Variants in SPG11 observed in about 807,000 individuals in gnomAD.
SPG11 encodes spatacsin.
SPG11 carries 222 observed loss-of-function variants against 274.0 expected under a neutral mutation model. The ratio of observed to expected loss-of-function variants is 0.81; its 90% CI spans 0.73 to 0.91. SPG11 has a LOEUF of 0.91. SPG11 is among the 40% of genes least tolerant of loss of function. The probability of loss-of-function intolerance (pLI) is 0.00; values close to 1 mark genes in which losing one functional copy is unlikely to be tolerated. For synonymous variants in SPG11, 1,144 were observed against 1,039.7 expected (o/e 1.10, Z -1.93); for missense variants, 3,114 against 2,872.7 (o/e 1.08, Z -1.92).
At chr15:44,610,762 C>G (rs993734423) in intron 18 of SPG11, 78 bp downstream of exon 18, 5 of 1,299,032 alleles carry the variant, frequency 3.8e-6, no homozygotes, top group Non-Finnish European at 5.6e-6. Flanking sequence ...TTAATATCAG[C>G]TGAGATCTAG....
chr15:44,637,427 C>T (rs2084309946), intron 7 of SPG11, among the ~76,000 whole-genome samples: 2 of 152,182 alleles, frequency 1.3e-5, no homozygotes, highest in South Asian at 4.1e-4. Flanking sequence ...ATTCTCCTAC[C>T]TCAGCCTCTC....
Position 44,569,434 on chromosome 15 carries a change from G to T in SPG11, c.6549C>A (p.His2183Gln). The change falls in exon 35 of 40, where the codon CAC (histidine) becomes CAA (glutamine). Residue 2183 changes from histidine to glutamine, a missense_variant. Transcript: ENST00000261866. ...TCTTCCTCATTAGCACTTCAAAGTA[G>T]TGCTTTTTATGCAGCAAATCAAATA... is the stretch of plus-strand genomic sequence containing the variant. ...TYIFDLLHKK[H>Q]YFEVLMRKKL... 1.9e-6 allele frequency: 3 copies of T among 1,607,080 alleles called. No individual in the cohort carries two copies. In the South Asian group the frequency reaches 3.3e-5, roughly 18 times the overall value.
intron 2 of SPG11, 83 bp from the exon 3 acceptor site, chr15:44,659,386 A>G: frequency 7.9e-7 from 1 of 1,265,980 alleles, no homozygotes; most frequent in East Asian, 2.4e-5. Flanking sequence ...CCTAATACAA[A>G]AAAGTAAAAC....
chr15:44,659,258 G>A lies in SPG11; in HGVS notation c.488C>T (p.Thr163Ile). 1 of 1,614,110 alleles carries A rather than the reference G, an allele frequency of 6.2e-7. No homozygotes were observed. Among genetic ancestry groups the A allele is most frequent in the Non-Finnish European group, 8.5e-7 (1 of 1,179,934 alleles). ...ACATTTGTTGATGAACAGTAATGAT[G>A]TGTTATTGTGAAATGACAGGATTCT... ...SLRILSFHNNTSLLFINKCVI... is the reference protein window; with the variant it reads ...SLRILSFHNNISLLFINKCVI... The change falls in exon 3 of 40, where the codon ACA becomes ATA. Residue 163 changes from threonine (T) to isoleucine (I), a missense_variant. Coordinates refer to ENST00000261866, the MANE Select transcript of SPG11 (RefSeq NM_025137.4).
chr15:44,628,972 A>T, intron 9 of SPG11, 128 bp from the exon 10 acceptor site: 4 of 1,005,042 alleles, frequency 4.0e-6, no homozygotes, highest in Non-Finnish European at 6.1e-6. Flanking sequence ...AATATGTCTG[A>T]GGATTTTCCT....
At chr15:44,569,148 G>A (rs1055266223) in intron 35 of SPG11, among the ~76,000 whole-genome samples, 13 of 145,778 alleles carry the variant, frequency 8.9e-5, no homozygotes, top group Admixed American at 4.2e-4. Context: ...CCTGAGAAAC[G>A]AGCGAAACTC....
chr15:44,636,959 A>AAAAAAAAAAAAAAT (rs2084293150), intron 7 of SPG11, among the ~76,000 whole-genome samples: 1 of 122,274 alleles, frequency 8.2e-6, no homozygotes, highest in Non-Finnish European at 1.7e-5. Context: ...AAAAAAAAAC[A>AAAAAAAAAAAAAAT]AAAAAAAAAC....
At chr15:44,616,893 C>T (rs2083604593) in intron 15 of SPG11, among the ~76,000 whole-genome samples, 2 of 152,172 alleles carry the variant, frequency 1.3e-5, no homozygotes, top group Admixed American at 6.5e-5. Flanking sequence ...TCCTAAATTT[C>T]GGGTAAAATA....
chr15:44,566,269 A>C lies in SPG11; in HGVS notation c.6791T>G (p.Leu2264Arg). The change falls in exon 37 of 40, where the codon CTG becomes CGG. Residue 2264 changes from leucine to arginine, a missense_variant. Transcript: ENST00000261866. ...SLKDGHQLKQ[L>R]LLKALTLMLD... ...CATCAGAGTCAGGGCCTTCAGCAGC[A>C]GTTGTTTCAGCTGGTGCCCATCCTT... 6.2e-7 allele frequency: 1 copy of C among 1,614,206 alleles called. No homozygotes were observed. Among genetic ancestry groups the C allele is most frequent in the Non-Finnish European group, 8.5e-7 (1 of 1,180,026 alleles).
Position 44,598,844 on chromosome 15 carries a change from A to G in SPG11, c.3687-8T>C, listed in dbSNP as rs2083112248. The G allele has an allele frequency of 6.2e-7, 1 of 1,613,776 alleles. No homozygotes were observed. Among genetic ancestry groups the G allele is most frequent in the Non-Finnish European group, 8.5e-7 (1 of 1,179,694 alleles). Reference sequence around the variant, plus strand: ...TTGCCTACTTGCTGGATCCTGAAAAAGAAAGGAATCAAAATCACATCAGCA... The same window carrying G: ...TTGCCTACTTGCTGGATCCTGAAAAGGAAAGGAATCAAAATCACATCAGCA... On this transcript the variant is annotated splice_polypyrimidine_tract_variant and splice_region_variant and intron_variant, in intron 21 of 39. Transcript: ENST00000261866.
intron 20 of SPG11, among the ~76,000 whole-genome samples, chr15:44,601,043 T>C (rs2083173249): frequency 6.6e-6 from 1 of 152,048 alleles, no homozygotes; most frequent in Non-Finnish European, 1.5e-5. Context: ...TCCCAGCTAC[T>C]TGGGAGACTG....
At chr15:44,593,827 C>A (rs923086159) in intron 26 of SPG11, among the ~76,000 whole-genome samples, 7 of 150,318 alleles carry the variant, frequency 4.7e-5, no homozygotes, top group Non-Finnish European at 1.0e-4. Context: ...GATCTTGGCT[C>A]ACTGCAACTT....
intron 30 of SPG11, among the ~76,000 whole-genome samples, chr15:44,576,320 C>T (rs1434179130): frequency 1.3e-5 from 2 of 151,744 alleles, no homozygotes; most frequent in African/African-American, 2.4e-5. Context: ...AAGCTTAGTA[C>T]ATCTGTACAG....
intron 24 of SPG11, 66 bp downstream of exon 24, chr15:44,596,718 A>G: frequency 7.1e-7 from 1 of 1,409,110 alleles, no homozygotes; most frequent in Non-Finnish European, 1.0e-6. Context: ...CACAACAGAA[A>G]GAATGCTATC....
chr15:44,649,018 G>GA lies in SPG11; in HGVS notation c.1457-8dup. 1 of 1,610,262 alleles carries GA rather than the reference G, an allele frequency of 6.2e-7. No homozygotes were observed. Among genetic ancestry groups the GA allele is most frequent in the Non-Finnish European group, 8.5e-7 (1 of 1,176,766 alleles). ...ATCAGAGAGAGTCCATTCTCTATAGGAAAAATAAAAGTTAGCTTTAACAAA... is the reference window on the plus strand; with the variant it reads ...ATCAGAGAGAGTCCATTCTCTATAGGAAAAAATAAAAGTTAGCTTTAACAAA... On this transcript the variant is annotated splice_region_variant and splice_polypyrimidine_tract_variant and intron_variant, in intron 6 of 39. Transcript: ENST00000261866.
chr15:44,609,327 C>T (rs887813284), intron 18 of SPG11, among the ~76,000 whole-genome samples: 14 of 151,416 alleles, frequency 9.2e-5, no homozygotes, highest in Non-Finnish European at 1.5e-4. Flanking sequence ...TTAGTAGAGA[C>T]GGGGTTTCAC....
At chr15:44,632,766 C>G (rs570271687) in intron 8 of SPG11, among the ~76,000 whole-genome samples, 31 of 152,210 alleles carry the variant, frequency 2.0e-4, no homozygotes, top group African/African-American at 7.2e-4. Context: ...ACCTTGGCCC[C>G]TAAAGTGTTA....
intron 8 of SPG11, among the ~76,000 whole-genome samples, chr15:44,631,406 AACAAATT>A (rs2084055857): frequency 6.6e-6 from 1 of 152,232 alleles, no homozygotes; most frequent in African/African-American, 2.4e-5. Flanking sequence ...ACAAAATTAC[AACAAATT>A]TAGATTAAAG....
intron 7 of SPG11, among the ~76,000 whole-genome samples, chr15:44,645,872 T>C (rs907945539): frequency 2.0e-5 from 3 of 152,116 alleles, no homozygotes; most frequent in African/African-American, 7.2e-5. Flanking sequence ...AATAAGCATA[T>C]GAAAAAATGC....
Sources: gnomAD v4.1 joint callset for allele counts (sites outside exome capture counted in the v4.1 genomes callset) on GRCh38, gnomAD v4.1.1 for gene constraint, MANE v1.5 for transcripts, NCBI Gene and HGNC (gene_info 2026-07-23, HGNC 2026-07-21) for gene names.